COX6A2: variants seen among roughly 807,000 people sequenced by gnomAD.
COX6A2 encodes cytochrome c oxidase subunit 6A2, also known as cytochrome c oxidase subunit 6A2, mitochondrial.
In COX6A2, 5 loss-of-function variants were observed where a neutral mutation model predicts 7.2. The ratio of observed to expected loss-of-function variants is 0.69; its 90% CI spans 0.36 to 1.45. COX6A2 has a LOEUF of 1.45. Ranked by LOEUF, COX6A2 falls within the 40% of genes most tolerant of loss-of-function variation. COX6A2 has a pLI of 0.03. For synonymous variants in COX6A2, 63 were observed against 55.9 expected (o/e 1.13, Z -0.56); for missense variants, 174 against 137.7 (o/e 1.26, Z -1.32).
In COX6A2 at chr16:31,428,165, G is replaced by C. The variant is rs1472811372; in HGVS notation, c.74-14C>G. ...GCCAGGTACGAGCTGCGGACGGAGCGGGGTGAGCGCGGCGGTCCTGGGGCG... is the reference window on the plus strand; with the variant it reads ...GCCAGGTACGAGCTGCGGACGGAGCCGGGTGAGCGCGGCGGTCCTGGGGCG... On this transcript the variant is annotated splice_polypyrimidine_tract_variant and intron_variant, in intron 1 of 2. Transcript: ENST00000287490. 3 of 1,568,124 alleles carry C rather than the reference G, an allele frequency of 1.9e-6. No homozygotes were observed. Among genetic ancestry groups the C allele is most frequent in the Non-Finnish European group, 2.6e-6 (3 of 1,157,606 alleles).
rs757046966 is a variant in COX6A2, at chr16:31,428,247, A to C, written c.73+6T>G. ...GAGCCCCCGGATCCGCCCGTTCCCCACTCACCTCCTGCTCCTCCGTGGCCT... is the reference window on the plus strand; with the variant it reads ...GAGCCCCCGGATCCGCCCGTTCCCCCCTCACCTCCTGCTCCTCCGTGGCCT... On this transcript the variant is annotated splice_donor_region_variant and intron_variant, in intron 1 of 2. Coordinates refer to ENST00000287490, the MANE Select transcript of COX6A2 (RefSeq NM_005205.4). 1.3e-6 allele frequency: 2 copies of C among 1,588,528 alleles called. No individual in the cohort carries two copies. The highest frequency in any genetic ancestry group is 1.4e-5 in the African/African-American group (1 of 73,970).
In COX6A2 at chr16:31,427,733, G is replaced by A. The variant is rs2082145915; in HGVS notation, c.*41C>T. ...GCCCTCCCCACAGAGCCGCAGACTC[G>A]AAGCTTCACACCTTTATTGTGTCCG... On this transcript the variant is annotated 3_prime_UTR_variant, in exon 3 of 3. Coordinates refer to ENST00000287490, the MANE Select transcript of COX6A2 (RefSeq NM_005205.4). The A allele has an allele frequency of 2.3e-6, 3 of 1,327,360 alleles. No individual in the cohort carries two copies. Among genetic ancestry groups the A allele is most frequent in the Non-Finnish European group, 2.9e-6 (3 of 1,026,948 alleles). 82.2% of individuals were successfully genotyped at this position (1,327,360 alleles called of 1,614,324 possible). A position where few individuals can be genotyped will look rare whatever the true frequency, so the allele number is the denominator to read the frequency against.
Position 31,428,046 on chromosome 16 carries a change from C to T in COX6A2, c.179G>A (p.Arg60His), listed in dbSNP as rs1471421939. The T allele has an allele frequency of 5.8e-6, 9 of 1,539,878 alleles. No homozygotes were observed. Among genetic ancestry groups the T allele is most frequent in the South Asian group, 2.4e-5 (2 of 82,918 alleles). The stretch of plus-strand genomic sequence containing the variant: ...GCGGATGCGGAGGTGTTGGTAGGGA[C>T]GGAACTCGGGGCGCGGGCGGTGGCC... ...HSGHRPRPEF[R>H]PYQHLRIRTK... Residue 60 changes from arginine (R) to histidine (H), a missense_variant, in exon 2 of 3, where the codon CGT (arginine) becomes CAT (histidine). Coordinates refer to ENST00000287490, the MANE Select transcript of COX6A2 (RefSeq NM_005205.4).
At chr16:31,428,225 C>T (rs1235630240) in intron 1 of COX6A2, 28 bp downstream of exon 1, 3 of 1,544,832 alleles carry the variant, frequency 1.9e-6, no homozygotes, top group Non-Finnish European at 2.6e-6. Flanking sequence ...GGTAGGGGAG[C>T]CCCCGGATCC....
chr16:31,428,225 C>A, intron 1 of COX6A2, 28 bp downstream of exon 1: 1 of 1,544,830 alleles, frequency 6.5e-7, no homozygotes, highest in East Asian at 2.5e-5. Flanking sequence ...GGTAGGGGAG[C>A]CCCCGGATCC....
rs777368777 is a variant in COX6A2, at chr16:31,428,146, T to A, written c.79A>T (p.Thr27Ser). 56 of 1,572,244 alleles carry A rather than the reference T, an allele frequency of 3.6e-5. No individual in the cohort carries two copies. In the African/African-American group the frequency reaches 7.5e-4, roughly 21 times the overall value. ...AGCACGAAGGTCAGCAGACGCCAGG[T>A]ACGAGCTGCGGACGGAGCGGGGTGA... ...KGGHGGAGAR[T>S]WRLLTFVLAL... Residue 27 changes from threonine (T) to serine (S), a missense_variant, in exon 2 of 3, where the codon ACC becomes TCC. Thr to Ser is a moderately conservative substitution (Grantham distance 58). Transcript: ENST00000287490.
rs1239897490 is a variant in COX6A2 at position 31,428,312 on chromosome 16, A to G, written c.14T>C (p.Leu5Pro). The change falls in exon 1 of 3, where the codon CTG becomes CCG. Residue 5 changes from leucine (L) to proline (P), a missense_variant. By Grantham distance (98) the Leu-to-Pro change is moderately conservative. Coordinates refer to ENST00000287490, the MANE Select transcript of COX6A2 (RefSeq NM_005205.4). Reference protein sequence around the residue: MALPLRPLTRGLASA... With the variant: MALPPRPLTRGLASA... ...GGCCAAGCCCCGGGTCAGGGGCCTC[A>G]GAGGCAAAGCCATGATGGTGCGGGG... The G allele has an allele frequency of 5.0e-6, 8 of 1,604,730 alleles. No homozygotes were observed. Among genetic ancestry groups the G allele is most frequent in the Non-Finnish European group, 6.8e-6 (8 of 1,176,210 alleles).
Position 31,428,241 on chromosome 16 carries a change from T to C in COX6A2, c.73+12A>G, listed in dbSNP as rs115157197. 11,700 of 1,583,354 alleles carry C rather than the reference T, an allele frequency of 7.4e-3. 755 individuals are homozygous for C. The African/African-American group carries it at 0.14, about 19-fold the overall frequency. The stretch of plus-strand genomic sequence containing the variant: ...GTAGGGGAGCCCCCGGATCCGCCCG[T>C]TCCCCACTCACCTCCTGCTCCTCCG... On this transcript the variant is annotated intron_variant, in intron 1 of 2. Transcript: ENST00000287490.
chr16:31,427,939 ACCCCCC>A (rs1193111580), intron 2 of COX6A2, 70 bp downstream of exon 2: 23 of 19,562 alleles, frequency 1.2e-3, no homozygotes, highest in African/African-American at 8.1e-3. Context: ...CCCCCGCAGC[ACCCCCC>A]CCCGCCCCCG....
At position 31,428,165 on chromosome 16, in the gene COX6A2, G is replaced by T; in HGVS notation, c.74-14C>A. 6.4e-7 allele frequency: 1 copy of T among 1,568,240 alleles called. No individual in the cohort carries two copies. Among genetic ancestry groups the T allele is most frequent in the Non-Finnish European group, 8.6e-7 (1 of 1,157,596 alleles). On this transcript the variant is annotated splice_polypyrimidine_tract_variant and intron_variant, in intron 1 of 2. Coordinates refer to ENST00000287490, the MANE Select transcript of COX6A2 (RefSeq NM_005205.4). The stretch of plus-strand genomic sequence containing the variant: ...GCCAGGTACGAGCTGCGGACGGAGC[G>T]GGGTGAGCGCGGCGGTCCTGGGGCG...
chr16:31,427,949 GCCC>G, intron 2 of COX6A2, 63 bp downstream of exon 2: 2 of 14,848 alleles, frequency 1.3e-4, no homozygotes, highest in East Asian at 2.6e-3. Context: ...ACCCCCCCCC[GCCC>G]CCGCAGCACC....
rs201073840 is a variant in COX6A2, at chr16:31,427,891, G to A, written c.211-34C>T. The stretch of plus-strand genomic sequence containing the variant: ...AGAGCGGGGGAGGGAGCGCGCGTGA[G>A]CGCCGTGAGTCCGGAGTCCGCGCCC... On this transcript the variant is annotated intron_variant, in intron 2 of 2. Transcript: ENST00000287490. 4.7e-6 allele frequency: 6 copies of A among 1,264,704 alleles called. No homozygotes were observed. In the East Asian group the frequency reaches 1.5e-4, roughly 32 times the overall value. 78.3% of individuals were successfully genotyped at this position (1,264,704 alleles called of 1,614,324 possible).
intron 2 of COX6A2, 65 bp downstream of exon 2, chr16:31,427,950 C>CGCG (rs2082150359): frequency 6.7e-6 from 1 of 149,588 alleles, no homozygotes; most frequent in Non-Finnish European, 9.9e-6. Context: ...CCCCCCCCCG[C>CGCG]CCCCGCAGCA....
chr16:31,427,767 C>G lies in COX6A2; in HGVS notation c.*7G>C, dbSNP rs768426841. 1 of 1,407,176 alleles carries G rather than the reference C, an allele frequency of 7.1e-7. No individual in the cohort carries two copies. Among genetic ancestry groups the G allele is most frequent in the East Asian group, 2.8e-5 (1 of 36,236 alleles). The allele number at this position is 1,407,176 out of a possible 1,614,324, so 87.2% of individuals were successfully genotyped here. A position where few individuals can be genotyped will look rare whatever the true frequency, so the allele number is the denominator to read the frequency against. On this transcript the variant is annotated 3_prime_UTR_variant, in exon 3 of 3. Transcript: ENST00000287490. ...CACCTTTATTGTGTCCGGGGGCGTC[C>G]GGGGCCTCAGGGGTGTTCGTAGCCC...
chr16:31,427,918 G>GCCCCC lies in COX6A2; in HGVS notation c.211-62_211-61insGGGGG. ...GCCGTGAGTCCGGAGTCCGCGCCCCGCGCGACCCCCCCCCCGCAGCACCCC... is the reference window on the plus strand; with the variant it reads ...GCCGTGAGTCCGGAGTCCGCGCCCCGCCCCCCGCGACCCCCCCCCCGCAGCACCCC... On this transcript the variant is annotated intron_variant, in intron 2 of 2. Coordinates refer to ENST00000287490, the MANE Select transcript of COX6A2 (RefSeq NM_005205.4). 372 of 308,690 alleles carry GCCCCC rather than the reference G, an allele frequency of 1.2e-3. 1 individual carries two copies. The highest frequency in any genetic ancestry group is 2.3e-3 in the Middle Eastern group (2 of 882). The allele number at this position is 308,690 out of a possible 1,614,324, so 19.1% of individuals were successfully genotyped here.
At chr16:31,428,197 C>G in intron 1 of COX6A2, 46 bp from the exon 2 acceptor site, 1 of 1,549,640 alleles carries the variant, frequency 6.5e-7, no homozygotes, top group Non-Finnish European at 8.7e-7. Context: ...GGCGGCGGGC[C>G]TGTGAACAGG....
intron 2 of COX6A2, 42 bp downstream of exon 2, chr16:31,427,973 C>T (rs1427310589): frequency 4.4e-6 from 5 of 1,133,894 alleles, no homozygotes; most frequent in South Asian, 4.1e-5. Context: ...CCCCCCCGCC[C>T]CCGCAGCACC....
Position 31,427,822 on chromosome 16 carries a change from G to C in COX6A2, c.246C>G (p.Phe82Leu). 2 of 1,411,838 alleles carry C rather than the reference G, an allele frequency of 1.4e-6. No homozygotes were observed. The highest frequency in any genetic ancestry group is 1.9e-6 in the Non-Finnish European group (2 of 1,079,700). 87.5% of individuals were successfully genotyped at this position (1,411,838 alleles called of 1,614,324 possible). Residue 82 changes from phenylalanine to leucine, a missense_variant, in exon 3 of 3, where the codon TTC becomes TTG. Transcript: ENST00000287490. ...GCAGAGGGTTCACGTGGCTATTGTG[G>C]AACAGAGTGTGGTTGCCGTCCCCCC... Reference protein sequence around the residue: ...YPWGDGNHTLFHNSHVNPLPT... With the variant: ...YPWGDGNHTLLHNSHVNPLPT...
rs1284150426 is a variant in COX6A2, at chr16:31,428,276, T to A, written c.50A>T (p.Lys17Ile). The A allele has an allele frequency of 3.1e-6, 5 of 1,604,688 alleles. No individual in the cohort carries two copies. In the East Asian group the frequency reaches 1.1e-4, roughly 36 times the overall value. ...PLTRGLASAA[K>I]GGHGGAGART... ...ACCTCCTGCTCCTCCGTGGCCTCCT[T>A]TGGCAGCGCTGGCCAAGCCCCGGGT... Residue 17 changes from lysine to isoleucine, a missense_variant, in exon 1 of 3, where the codon AAA becomes ATA. Lys to Ile is a moderately radical substitution (Grantham distance 102). Coordinates refer to ENST00000287490, the MANE Select transcript of COX6A2 (RefSeq NM_005205.4).
Sources: gnomAD v4.1 joint callset for allele counts on GRCh38, gnomAD v4.1.1 for gene constraint, MANE v1.5 for transcripts, NCBI Gene and HGNC (gene_info 2026-07-23, HGNC 2026-07-21) for gene names.